The following GRM8 variants were observed in gnomAD, a reference collection of about 807,000 sequenced individuals.
GRM8 encodes metabotropic glutamate receptor 8.
Under a neutral mutation model 87.2 loss-of-function variants are expected in GRM8, and 47 were observed. That is an observed-to-expected ratio of 0.54 (90% CI 0.43 to 0.69). The LOEUF (loss-of-function observed/expected upper bound fraction) is 0.69, where lower values mean the gene tolerates loss of function less well. Among genes scored for constraint, GRM8 ranks in the 30% least tolerant of loss-of-function variants. The pLI is 0.00. For missense variants in GRM8, 1,019 were observed against 1,139.2 expected, an observed-to-expected ratio of 0.89 and a Z score of 1.52; for synonymous variants, 396 against 404.5, an observed-to-expected ratio of 0.98 and a Z score of 0.25.
intron 7 of GRM8, among the ~76,000 whole-genome samples, chr7:126,646,306 A>AAGGAAGGAAAGAAG (rs1554436859): frequency 2.8e-5 from 1 of 35,754 alleles, no homozygotes; most frequent in African/African-American, 8.6e-5. Flanking sequence ...AAGGAAGGAA[A>AAGGAAGGAAAGAAG]GAAGGAAGGA....
At chr7:127,166,016 A>C (rs914586045) in intron 2 of GRM8, among the ~76,000 whole-genome samples, 2 of 152,152 alleles carry the variant, frequency 1.3e-5, no homozygotes, top group Non-Finnish European at 2.9e-5. Flanking sequence ...TGTGTTATAA[A>C]GTATCAGGAG....
At chr7:126,980,626 A>G (rs758437178) in intron 3 of GRM8, among the ~76,000 whole-genome samples, 3 of 152,248 alleles carry the variant, frequency 2.0e-5, no homozygotes, top group African/African-American at 7.2e-5. Flanking sequence ...TTAACTATTT[A>G]TATTCTCAAA....
chr7:127,111,514 T>C (rs1287107255), intron 2 of GRM8, among the ~76,000 whole-genome samples: 1 of 152,094 alleles, frequency 6.6e-6, no homozygotes, highest in Non-Finnish European at 1.5e-5. Flanking sequence ...TTTTTCATGA[T>C]CCTCCCTCTT....
At chr7:126,946,578 T>C (rs1053422500) in intron 3 of GRM8, among the ~76,000 whole-genome samples, 1 of 152,154 alleles carries the variant, frequency 6.6e-6, no homozygotes, top group African/African-American at 2.4e-5. Context: ...TGGATAGTGA[T>C]AAACCATGTT....
At chr7:126,786,711 T>G (rs933768810) in intron 6 of GRM8, among the ~76,000 whole-genome samples, 8 of 152,220 alleles carry the variant, frequency 5.3e-5, no homozygotes, top group Non-Finnish European at 8.8e-5. Flanking sequence ...TAATAAGAAC[T>G]AGTTGTTCTA....
chr7:126,522,258 G>A lies in GRM8; in HGVS notation c.2430+10694C>T, dbSNP rs550758277. 2.6e-5 allele frequency among the ~76,000 whole-genome samples: 4 copies of A among 152,182 alleles called. No individual in the cohort carries two copies. The East Asian group carries it at 7.7e-4, about 29-fold the overall frequency. ...CTCCTTTCCACTTCCACCGCCACAT[G>A]TCAAACCCCCAATATTTCTTGCCTG... is the stretch of plus-strand genomic sequence containing the variant. On this transcript the variant is annotated intron_variant, in intron 9 of 10. Coordinates refer to ENST00000339582, the MANE Select transcript of GRM8 (RefSeq NM_000845.3).
At chr7:126,645,349 C>T (rs933436624) in intron 7 of GRM8, among the ~76,000 whole-genome samples, 4 of 152,182 alleles carry the variant, frequency 2.6e-5, no homozygotes, top group Non-Finnish European at 4.4e-5. Flanking sequence ...AGATGAATCC[C>T]ACCAAAACTT....
At chr7:126,514,842 C>G (rs895634150) in intron 9 of GRM8, among the ~76,000 whole-genome samples, 1 of 151,818 alleles carries the variant, frequency 6.6e-6, no homozygotes, top group African/African-American at 2.4e-5. Flanking sequence ...CTGTATCAAC[C>G]AAATTCTAAG....
At chr7:126,976,247 C>T (rs1810971838) in intron 3 of GRM8, among the ~76,000 whole-genome samples, 1 of 152,184 alleles carries the variant, frequency 6.6e-6, no homozygotes, top group Non-Finnish European at 1.5e-5. Context: ...TCATAATACT[C>T]TTTTTAAAAC....
chr7:126,913,339 C>T, intron 3 of GRM8, among the ~76,000 whole-genome samples: 1 of 152,138 alleles, frequency 6.6e-6, no homozygotes, highest in Non-Finnish European at 1.5e-5. Flanking sequence ...CACGACAGAC[C>T]TTGGTTTTGG....
intron 6 of GRM8, among the ~76,000 whole-genome samples, chr7:126,851,060 A>G (rs1167124782): frequency 2.6e-5 from 4 of 152,304 alleles, no homozygotes; most frequent in African/African-American, 9.6e-5. Flanking sequence ...ATCTGAATCT[A>G]GTGTCCTGAT....
At chr7:126,605,436 A>G (rs1276827432) in intron 8 of GRM8, among the ~76,000 whole-genome samples, 3 of 152,220 alleles carry the variant, frequency 2.0e-5, no homozygotes, top group African/African-American at 7.2e-5. Context: ...AATGTTTGGA[A>G]CAATAAAGAT....
At chr7:126,500,303 T>C (rs935985897) in intron 9 of GRM8, among the ~76,000 whole-genome samples, 13 of 151,986 alleles carry the variant, frequency 8.6e-5, no homozygotes, top group African/African-American at 3.1e-4. Context: ...GTAAGTTCCA[T>C]CTGCAGGTTT....
chr7:127,143,923 A>G (rs548489519), intron 2 of GRM8, among the ~76,000 whole-genome samples: 1 of 152,118 alleles, frequency 6.6e-6, no homozygotes, highest in Non-Finnish European at 1.5e-5. Flanking sequence ...AGTGCTAAAA[A>G]TATTTTGATA....
intron 2 of GRM8, among the ~76,000 whole-genome samples, chr7:127,172,080 T>C (rs1793835433): frequency 6.6e-6 from 1 of 152,172 alleles, no homozygotes; most frequent in Non-Finnish European, 1.5e-5. Flanking sequence ...GGAATTTTTG[T>C]TTTTAAAAAT....
chr7:127,091,537 A>G (rs1412112984), intron 3 of GRM8, among the ~76,000 whole-genome samples: 3 of 52,650 alleles, frequency 5.7e-5, no homozygotes, highest in Non-Finnish European at 1.0e-4. Context: ...CCCCACCACC[A>G]TCCCACTGGT....
intron 8 of GRM8, among the ~76,000 whole-genome samples, chr7:126,577,123 G>T (rs182521242): frequency 1.1e-3 from 162 of 152,180 alleles, no homozygotes; most frequent in African/African-American, 3.6e-3. Flanking sequence ...TAGGAGTACT[G>T]GTGGTTTCTA....
chr7:127,212,520 C>T (rs1413289916), intron 2 of GRM8, among the ~76,000 whole-genome samples: 1 of 149,680 alleles, frequency 6.7e-6, no homozygotes, highest in Non-Finnish European at 1.5e-5. Context: ...CGGGTTCACG[C>T]CATTCTCCTG....
intron 3 of GRM8, among the ~76,000 whole-genome samples, chr7:127,095,279 C>G (rs1013826105): frequency 6.6e-6 from 1 of 152,164 alleles, no homozygotes; most frequent in Non-Finnish European, 1.5e-5. Context: ...AAAACCATTC[C>G]AAACCCTGGC....
Sources: allele counts gnomAD v4.1 joint callset (sites outside exome capture counted in the v4.1 genomes callset), GRCh38; gene constraint gnomAD v4.1.1; transcripts MANE v1.5; gene names NCBI Gene and HGNC (gene_info 2026-07-23, HGNC 2026-07-21).